N4BP2L2: variants seen among roughly 807,000 people sequenced by gnomAD.
N4BP2L2 encodes the protein NEDD4 binding protein 2 like 2.
Under a neutral mutation model 56.2 loss-of-function variants are expected in N4BP2L2, and 50 were observed. The ratio of observed to expected loss-of-function variants is 0.89; its 90% CI spans 0.71 to 1.13. The LOEUF is 1.13. Among genes scored for constraint, N4BP2L2 ranks in the 50% most tolerant of loss-of-function variants. The probability of loss-of-function intolerance (pLI) is 0.00; values close to 1 mark genes in which losing one functional copy is unlikely to be tolerated. For missense variants in N4BP2L2, 689 were observed against 693.8 expected (o/e 0.99, Z 0.08); for synonymous variants, 203 against 223.6 (o/e 0.91, Z 0.82).
At chr13:32,450,191 T>C (rs1415484211) in intron 6 of N4BP2L2, among the ~76,000 whole-genome samples, 2 of 152,162 alleles carry the variant, frequency 1.3e-5, no homozygotes, top group African/African-American at 2.4e-5. Flanking sequence ...GTACGGACCA[T>C]AATATAGTTA....
intron 5 of N4BP2L2, among the ~76,000 whole-genome samples, chr13:32,519,084 TAAGAA>T (rs1482473371): frequency 3.9e-5 from 6 of 152,038 alleles, no homozygotes; most frequent in Middle Eastern, 6.8e-3. Flanking sequence ...ACATTCAAGA[TAAGAA>T]AAGAAAGCAA....
At chr13:32,522,518 T>C (rs2051271253) in intron 3 of N4BP2L2, 1 of 280,108 alleles carries the variant, frequency 3.6e-6, no homozygotes. Context: ...AAAGGCATTT[T>C]GCTGAACTTA....
intron 6 of N4BP2L2, among the ~76,000 whole-genome samples, chr13:32,491,929 C>G (rs1340711812): frequency 6.6e-6 from 1 of 151,488 alleles, no homozygotes; most frequent in Non-Finnish European, 1.5e-5. Flanking sequence ...CGCACCCGGC[C>G]GAAAAAAGTA....
chr13:32,522,154 T>C (rs1566170111), intron 4 of N4BP2L2, 28 bp downstream of exon 4: 2 of 1,412,674 alleles, frequency 1.4e-6, no homozygotes, highest in East Asian at 2.4e-5. Context: ...GAATAAAAAA[T>C]AAAAACTTTC....
intron 6 of N4BP2L2, among the ~76,000 whole-genome samples, chr13:32,451,113 G>GA (rs1427796078): frequency 6.6e-6 from 1 of 151,896 alleles, no homozygotes; most frequent in African/African-American, 2.4e-5. Context: ...AGAAGTTACA[G>GA]AAAAAAAGAG....
intron 6 of N4BP2L2, chr13:32,505,067 GA>G (rs1311846130): frequency 6.6e-6 from 1 of 152,204 alleles, no homozygotes; most frequent in African/African-American, 2.4e-5. Context: ...TCAGCCCTAA[GA>G]AGTAGCCTAC....
intron 1 of N4BP2L2, among the ~76,000 whole-genome samples, chr13:32,537,502 G>A (rs753635457): frequency 2.0e-5 from 3 of 152,112 alleles, no homozygotes; most frequent in Non-Finnish European, 2.9e-5. Flanking sequence ...GTTTTTGAGA[G>A]TAAATAGCTC....
chr13:32,503,952 C>T (rs1055213806), intron 6 of N4BP2L2, among the ~76,000 whole-genome samples: 4 of 152,004 alleles, frequency 2.6e-5, no homozygotes, highest in African/African-American at 7.2e-5. Flanking sequence ...ACTATGATTG[C>T]GCCACTGCAC....
intron 2 of N4BP2L2, among the ~76,000 whole-genome samples, chr13:32,529,782 G>C (rs1594092704): frequency 6.6e-6 from 1 of 151,152 alleles, no homozygotes; most frequent in East Asian, 1.9e-4. Context: ...CTGGAGTGCA[G>C]TGGTGTGATC....
chr13:32,479,192 T>G (rs1214417572), intron 6 of N4BP2L2, among the ~76,000 whole-genome samples: 1 of 152,120 alleles, frequency 6.6e-6, no homozygotes, highest in East Asian at 1.9e-4. Context: ...ATAGGCCATA[T>G]GTACTCTACA....
chr13:32,532,920 G>T (rs2055358577), intron 2 of N4BP2L2, among the ~76,000 whole-genome samples: 1 of 150,234 alleles, frequency 6.7e-6, no homozygotes, highest in African/African-American at 2.4e-5. Flanking sequence ...TAGAGACAGG[G>T]TCTATGTTGC....
intron 7 of N4BP2L2, among the ~76,000 whole-genome samples, chr13:32,441,491 C>T (rs934661962): frequency 7.3e-5 from 11 of 151,056 alleles, no homozygotes; most frequent in Non-Finnish European, 1.6e-4. Flanking sequence ...GGAGACCAAC[C>T]TGGCCAACAT....
chr13:32,507,236 A>C (rs898951895), downstream of N4BP2L2: 7 of 152,212 alleles, frequency 4.6e-5, no homozygotes, highest in African/African-American at 1.7e-4. Context: ...CCAGATTTAA[A>C]GAGATCACAG....
chr13:32,435,554 T>G (rs1343259553), intron 9 of N4BP2L2, among the ~76,000 whole-genome samples: 1 of 152,164 alleles, frequency 6.6e-6, no homozygotes, highest in Non-Finnish European at 1.5e-5. Context: ...AATAATTGAA[T>G]GAATGTCTTC....
At chr13:32,533,923 G>C (rs548589328) in intron 2 of N4BP2L2, among the ~76,000 whole-genome samples, 6 of 152,290 alleles carry the variant, frequency 3.9e-5, no homozygotes, top group Non-Finnish European at 7.4e-5. Context: ...TTGACCTAAA[G>C]AGGTACAGAC....
At chr13:32,536,203 T>C (rs2056512785) in exon 2 of N4BP2L2, 1 of 1,613,538 alleles carries the variant, frequency 6.2e-7, no homozygotes, top group African/African-American at 1.3e-5. Flanking sequence ...CATAGGGCAC[T>C]ATAAAAGGAT....
exon 7 of N4BP2L2, chr13:32,442,787 G>A (rs747433957): frequency 6.2e-7 from 1 of 1,613,662 alleles, no homozygotes; most frequent in Non-Finnish European, 8.5e-7. Flanking sequence ...GAGCACCTTA[G>A]TCTGTTAAAT....
At chr13:32,437,116 C>G (rs908893113) in intron 8 of N4BP2L2, among the ~76,000 whole-genome samples, 11 of 152,140 alleles carry the variant, frequency 7.2e-5, no homozygotes, top group African/African-American at 2.2e-4. Context: ...CTCCTGACCT[C>G]AAGTGATCCA....
chr13:32,524,575 T>C (rs193070666), intron 3 of N4BP2L2: 2 of 152,228 alleles, frequency 1.3e-5, no homozygotes, highest in Admixed American at 1.3e-4. Context: ...TAAAATTAAT[T>C]TAGATTATTT....
Sources: allele counts gnomAD v4.1 joint callset (sites outside exome capture counted in the v4.1 genomes callset), GRCh38; gene constraint gnomAD v4.1.1; transcripts MANE v1.5; gene names NCBI Gene and HGNC (gene_info 2026-07-23, HGNC 2026-07-21).